The following HVCN1 variants were observed in gnomAD, a reference collection of about 807,000 sequenced individuals.
HVCN1 encodes hydrogen voltage gated channel 1, also known as voltage-gated hydrogen channel 1.
A neutral mutation model predicts 29.2 loss-of-function variants in HVCN1; 14 were observed. The ratio of observed to expected loss-of-function variants is 0.48; its 90% CI spans 0.32 to 0.75. The LOEUF (loss-of-function observed/expected upper bound fraction) is 0.75, where lower values mean the gene tolerates loss of function less well. Ranked by LOEUF, HVCN1 falls within the 30% of genes least tolerant of loss-of-function variation. The probability of loss-of-function intolerance (pLI) is 0.04; values close to 1 mark genes in which losing one functional copy is unlikely to be tolerated. For synonymous variants in HVCN1, 131 were observed against 133.2 expected (o/e 0.98, Z 0.11); for missense variants, 263 against 341.8 (o/e 0.77, Z 1.82).
chr12:110,703,612 A>G (rs1006567045), intron 1 of HVCN1, among the ~76,000 whole-genome samples: 4 of 149,208 alleles, frequency 2.7e-5, no homozygotes, highest in Non-Finnish European at 4.4e-5. Context: ...TTGTGTATAT[A>G]TTTGATTCTT....
intron 2 of HVCN1, among the ~76,000 whole-genome samples, chr12:110,698,384 T>G (rs1300608413): frequency 6.6e-6 from 1 of 152,186 alleles, no homozygotes; most frequent in Non-Finnish European, 1.5e-5. Flanking sequence ...CTCACTTTAG[T>G]GAGCAGAGCC....
chr12:110,660,019 T>C (rs1263269222), intron 4 of HVCN1, among the ~76,000 whole-genome samples: 1 of 151,066 alleles, frequency 6.6e-6, no homozygotes, highest in Non-Finnish European at 1.5e-5. Context: ...GCTGAAATCA[T>C]GCCACTGCAC....
intron 2 of HVCN1, among the ~76,000 whole-genome samples, chr12:110,702,070 C>T (rs1305663466): frequency 2.0e-5 from 3 of 150,780 alleles, no homozygotes; most frequent in Non-Finnish European, 4.4e-5. Flanking sequence ...TCAGCCTCCC[C>T]AGTAGCTGGG....
intron 2 of HVCN1, among the ~76,000 whole-genome samples, chr12:110,695,325 T>C (rs1471355801): frequency 6.7e-6 from 1 of 149,726 alleles, no homozygotes; most frequent in Non-Finnish European, 1.5e-5. Context: ...TAATTATAAT[T>C]GTATAATTAT....
chr12:110,686,563 C>T (rs1347784933), intron 2 of HVCN1, among the ~76,000 whole-genome samples: 2 of 152,060 alleles, frequency 1.3e-5, no homozygotes, highest in South Asian at 2.1e-4. Flanking sequence ...ATTAAGGTGC[C>T]CTGGAGATTT....
chr12:110,651,503 C>CT, intron 5 of HVCN1, 55 bp from the exon 6 acceptor site: 1 of 1,196,970 alleles, frequency 8.4e-7, no homozygotes, highest in Non-Finnish European at 1.2e-6. Flanking sequence ...GGAGGTCAAG[C>CT]TGCCCTCACA....
chr12:110,665,867 A>G (rs1361616613), intron 3 of HVCN1, among the ~76,000 whole-genome samples: 1 of 151,712 alleles, frequency 6.6e-6, no homozygotes, highest in Non-Finnish European at 1.5e-5. Context: ...TTAACTGTGC[A>G]TCGTGGCACA....
At chr12:110,673,172 C>A (rs1282494244) in intron 3 of HVCN1, among the ~76,000 whole-genome samples, 2 of 152,152 alleles carry the variant, frequency 1.3e-5, no homozygotes, top group Admixed American at 1.3e-4. Context: ...AAGGTCCAGG[C>A]TGAGGTGGTC....
chr12:110,691,705 G>T (rs1198946998), upstream of HVCN1, among the ~76,000 whole-genome samples: 3 of 152,172 alleles, frequency 2.0e-5, no homozygotes, highest in Non-Finnish European at 4.4e-5. Context: ...CAGACAGGTG[G>T]TGACCTCAAC....
chr12:110,681,032 G>A (rs1175262471), intron 3 of HVCN1, among the ~76,000 whole-genome samples: 1 of 152,166 alleles, frequency 6.6e-6, no homozygotes, highest in Non-Finnish European at 1.5e-5. Context: ...AACTTACCAA[G>A]GAGTCAAATG....
chr12:110,681,042 G>GATCT (rs1461386104), intron 3 of HVCN1, among the ~76,000 whole-genome samples: 1 of 152,198 alleles, frequency 6.6e-6, no homozygotes, highest in African/African-American at 2.4e-5. Flanking sequence ...GGAGTCAAAT[G>GATCT]ATCTCATTAT....
intron 3 of HVCN1, among the ~76,000 whole-genome samples, chr12:110,678,952 G>A (rs530631403): frequency 1.3e-5 from 2 of 152,308 alleles, no homozygotes; most frequent in East Asian, 3.9e-4. Flanking sequence ...TTTTACAAAA[G>A]TGTAGAAAGA....
chr12:110,663,171 T>C (rs1404441592), intron 3 of HVCN1, among the ~76,000 whole-genome samples: 1 of 152,266 alleles, frequency 6.6e-6, no homozygotes, highest in East Asian at 1.9e-4. Context: ...GGGGAGAAAT[T>C]TGGCATGATC....
In HVCN1 at chr12:110,678,439, C is replaced by CTTTTTTTTTTT. The variant is rs538999674; in HGVS notation, c.21+4775_21+4785dup. On this transcript the variant is annotated intron_variant, in intron 3 of 7. Coordinates refer to ENST00000242607, the MANE Select transcript of HVCN1 (RefSeq NM_032369.4). ...TCTTATTTTCCATTTCATTCTATTT[C>CTTTTTTTTTTT]TTTTTTTTTTTTTTTTTTTTTTTTT... 4.7e-4 allele frequency among the ~76,000 whole-genome samples: 31 copies of CTTTTTTTTTTT among 65,830 alleles called. 1 individual carries two copies. Among genetic ancestry groups the CTTTTTTTTTTT allele is most frequent in the Non-Finnish European group, 6.7e-4 (23 of 34,478 alleles). The allele number at this position is 65,830 out of a possible 152,430, so 43.2% of individuals were successfully genotyped here.
At chr12:110,702,329 G>C (rs371758586) in exon 2 of HVCN1, 4 of 152,170 alleles carry the variant, frequency 2.6e-5, no homozygotes, top group African/African-American at 9.7e-5. Context: ...GGGCCAAGTG[G>C]GGCCATCTGT....
Position 110,661,360 on chromosome 12 carries a change from G to T in HVCN1, c.110C>A (p.Ala37Asp). Reference protein sequence around the residue: ...HFTVVGDDYHAWNINYKKWEN... With the variant: ...HFTVVGDDYHDWNINYKKWEN... ...CCATTTCTTGTAGTTGATGTTCCAG[G>T]CATGGTAGTCGTCTCCCACGACCGT... Residue 37 changes from alanine to aspartate, a missense_variant, in exon 4 of 8, where the codon GCC becomes GAC. By Grantham distance (126) the Ala-to-Asp change is moderately radical. This residue lies in a region of HVCN1 where 157 missense variants were observed against 181.3 expected (regional missense o/e 0.87). Transcript: ENST00000242607. This position sits in a 1 kb window ranked among gnomAD's most constrained non-coding sequence, Gnocchi z 6.2. 1 of 1,614,160 alleles carries T rather than the reference G, an allele frequency of 6.2e-7. No homozygotes were observed.
At chr12:110,701,760 G>A (rs1027923757) in intron 2 of HVCN1, among the ~76,000 whole-genome samples, 3 of 151,538 alleles carry the variant, frequency 2.0e-5, no homozygotes, top group Non-Finnish European at 2.9e-5. Flanking sequence ...GGGAGGCTGA[G>A]GCAGGAGAAT....
At chr12:110,686,947 C>T (rs1199296939) in intron 2 of HVCN1, among the ~76,000 whole-genome samples, 2 of 152,210 alleles carry the variant, frequency 1.3e-5, no homozygotes, top group African/African-American at 2.4e-5. Context: ...AAGTGGCCCT[C>T]AACCCCCAAG....
chr12:110,655,001 C>T (rs2067941699), intron 5 of HVCN1, among the ~76,000 whole-genome samples: 1 of 152,154 alleles, frequency 6.6e-6, no homozygotes. Flanking sequence ...CCCACATGCT[C>T]CAGCTCACTA....
Sources: allele counts gnomAD v4.1 joint callset (sites outside exome capture counted in the v4.1 genomes callset), GRCh38; gene constraint gnomAD v4.1.1; regional missense constraint gnomAD v4.1.1; non-coding constraint Gnocchi (gnomAD v3.1); transcripts MANE v1.5; gene names NCBI Gene and HGNC (gene_info 2026-07-23, HGNC 2026-07-21).